TBC1D5: variants seen among roughly 807,000 people sequenced by gnomAD.
TBC1D5 encodes TBC1 domain family member 5, also known as TBC1 domain family, member 5.
A neutral mutation model predicts 100.3 loss-of-function variants in TBC1D5; 75 were observed. The ratio of observed to expected loss-of-function variants is 0.75; its 90% CI spans 0.62 to 0.91. TBC1D5 has a LOEUF of 0.91. TBC1D5 is among the 40% of genes least tolerant of loss of function. TBC1D5 has a pLI of 0.00. For missense variants in TBC1D5, 910 were observed against 942.4 expected (o/e 0.97, Z 0.45); for synonymous variants, 323 against 325.6 (o/e 0.99, Z 0.09).
rs185363831 is a variant in TBC1D5 at position 17,293,617 on chromosome 3, T to A, written c.1139-1616A>T. ...GTTTAGTCACTGGGAAAACAACTTTTTGATTGAAAAAATTTATTTGACTGC... is the reference window on the plus strand; with the variant it reads ...GTTTAGTCACTGGGAAAACAACTTTATGATTGAAAAAATTTATTTGACTGC... On this transcript the variant is annotated intron_variant, in intron 14 of 21. Coordinates refer to ENST00000253692, the Ensembl canonical transcript of TBC1D5. Among the ~76,000 whole-genome samples the A allele has an allele frequency of 7.7e-4, 117 of 152,338 alleles. 2 individuals carry two copies. In the South Asian group the frequency reaches 0.012, roughly 15 times the overall value.
chr3:17,531,651 A>G (rs1213120245), intron 2 of TBC1D5, among the ~76,000 whole-genome samples: 1 of 152,234 alleles, frequency 6.6e-6, no homozygotes, highest in Non-Finnish European at 1.5e-5. Flanking sequence ...AGACCAATGG[A>G]ACAAAACAGA....
At chr3:17,281,963 A>T (rs183082171) in intron 15 of TBC1D5, among the ~76,000 whole-genome samples, 13 of 152,250 alleles carry the variant, frequency 8.5e-5, no homozygotes, top group African/African-American at 2.9e-4. Flanking sequence ...CAATTTCGTT[A>T]AATCATAACT....
intron 18 of TBC1D5, among the ~76,000 whole-genome samples, chr3:17,186,691 C>A (rs111867669): frequency 0.014 from 1,090 of 79,504 alleles, 16 homozygotes; most frequent in African/African-American, 0.042. Flanking sequence ...GCCTGGGCGA[C>A]AGAGCAAAAC....
At chr3:17,717,396 T>C (rs1229595554) in intron 1 of TBC1D5, among the ~76,000 whole-genome samples, 1 of 152,214 alleles carries the variant, frequency 6.6e-6, no homozygotes, top group Non-Finnish European at 1.5e-5. Context: ...TTACTCAGCA[T>C]CTACTGTGTC....
chr3:17,689,957 T>C (rs2070886734), intron 1 of TBC1D5, among the ~76,000 whole-genome samples: 1 of 151,912 alleles, frequency 6.6e-6, no homozygotes, highest in South Asian at 2.1e-4. Flanking sequence ...GAAGGACCAG[T>C]ATGAGCGAAA....
chr3:17,327,018 C>T (rs2086237951), intron 13 of TBC1D5, among the ~76,000 whole-genome samples: 1 of 152,132 alleles, frequency 6.6e-6, no homozygotes, highest in Admixed American at 6.5e-5. Context: ...ATACTGATAC[C>T]ATCCTGATCT....
intron 7 of TBC1D5, among the ~76,000 whole-genome samples, chr3:17,403,471 A>T (rs1033324958): frequency 6.6e-6 from 1 of 152,110 alleles, no homozygotes; most frequent in African/African-American, 2.4e-5. Flanking sequence ...ATTATCATAT[A>T]AAGTCAGCCT....
intron 1 of TBC1D5, among the ~76,000 whole-genome samples, chr3:17,703,100 A>G (rs1409485157): frequency 1.3e-5 from 2 of 152,150 alleles, no homozygotes; most frequent in Non-Finnish European, 2.9e-5. Flanking sequence ...GCCAGACACA[A>G]TGTTCAGGCT....
intron 18 of TBC1D5, among the ~76,000 whole-genome samples, chr3:17,203,092 G>T (rs2071681635): frequency 6.6e-6 from 1 of 152,220 alleles, no homozygotes; most frequent in African/African-American, 2.4e-5. Context: ...AAGCAGCTGA[G>T]GGGGCTGTAC....
At chr3:17,507,456 CA>C (rs1353091055) in intron 3 of TBC1D5, among the ~76,000 whole-genome samples, 6 of 151,952 alleles carry the variant, frequency 3.9e-5, no homozygotes, top group Non-Finnish European at 7.4e-5. Context: ...TAAAGATGCA[CA>C]AAAAGCATAA....
chr3:17,258,975 T>G (rs780306308), intron 15 of TBC1D5, among the ~76,000 whole-genome samples: 88 of 152,286 alleles, frequency 5.8e-4, no homozygotes, highest in Non-Finnish European at 7.5e-4. Flanking sequence ...TAACTGCATT[T>G]CGGGGGAAGA....
At chr3:17,448,919 T>C (rs1202027865) in intron 3 of TBC1D5, among the ~76,000 whole-genome samples, 2 of 152,232 alleles carry the variant, frequency 1.3e-5, no homozygotes, top group South Asian at 4.1e-4. Flanking sequence ...TACTGACTTC[T>C]CCTCTTTAGC....
At chr3:17,339,323 G>A (rs2088473874) in intron 13 of TBC1D5, among the ~76,000 whole-genome samples, 1 of 152,190 alleles carries the variant, frequency 6.6e-6, no homozygotes, top group Admixed American at 6.5e-5. Context: ...GTGCATCCGT[G>A]ACAAGTTGAA....
intron 1 of TBC1D5, among the ~76,000 whole-genome samples, chr3:17,657,629 C>A (rs1300199761): frequency 6.6e-6 from 1 of 152,116 alleles, no homozygotes; most frequent in Non-Finnish European, 1.5e-5. Context: ...GCCACCATGT[C>A]CGGCCGGACA....
At chr3:17,296,174 ATAAAAACAAATAATCATGGAT>A (rs945116394) in intron 14 of TBC1D5, among the ~76,000 whole-genome samples, 2 of 152,266 alleles carry the variant, frequency 1.3e-5, no homozygotes, top group Non-Finnish European at 2.9e-5. Flanking sequence ...AAAAAGGCAT[ATAAAAACAAATAATCATGGAT>A]TAAGTATAAA....
intron 1 of TBC1D5, among the ~76,000 whole-genome samples, chr3:17,717,460 A>G (rs947761980): frequency 6.6e-6 from 1 of 152,224 alleles, no homozygotes; most frequent in African/African-American, 2.4e-5. Flanking sequence ...TTCATTAGTA[A>G]TTACCAATTA....
chr3:17,389,172 C>T (rs931959655), intron 8 of TBC1D5, among the ~76,000 whole-genome samples: 18 of 152,152 alleles, frequency 1.2e-4, no homozygotes, highest in African/African-American at 3.1e-4. Flanking sequence ...CAGAATTTTA[C>T]GTATTGTGCC....
chr3:17,564,711 C>A (rs2096582880), intron 2 of TBC1D5, among the ~76,000 whole-genome samples: 1 of 152,094 alleles, frequency 6.6e-6, no homozygotes, highest in African/African-American at 2.4e-5. Context: ...CAAATCCTCA[C>A]CTCTCTCTTA....
At chr3:17,300,797 C>T (rs1310476066) in intron 14 of TBC1D5, among the ~76,000 whole-genome samples, 1 of 152,124 alleles carries the variant, frequency 6.6e-6, no homozygotes, top group Non-Finnish European at 1.5e-5. Context: ...CTAGGCCCGG[C>T]GTGGTGGCTC....
Sources: allele counts gnomAD v4.1 joint callset (sites outside exome capture counted in the v4.1 genomes callset), GRCh38; gene constraint gnomAD v4.1.1; transcripts MANE v1.5; gene names NCBI Gene and HGNC (gene_info 2026-07-23, HGNC 2026-07-21).